The following AGGF1 variants were observed in gnomAD, a reference collection of about 807,000 sequenced individuals.
AGGF1 encodes angiogenic factor with G-patch and FHA domains 1.
Under a neutral mutation model 86.5 loss-of-function variants are expected in AGGF1, and 56 were observed. The observed-to-expected ratio is 0.65, with a 90% CI of 0.52 to 0.81. The LOEUF is 0.81. AGGF1 is among the 30% of genes least tolerant of loss of function. The pLI is 0.00. For missense variants in AGGF1, 816 were observed against 850.9 expected (o/e 0.96, Z 0.51); for synonymous variants, 313 against 297.1 (o/e 1.05, Z -0.55).
intron 1 of AGGF1, among the ~76,000 whole-genome samples, chr5:77,032,361 A>G (rs1200955313): frequency 6.6e-6 from 1 of 151,652 alleles, no homozygotes; most frequent in Admixed American, 6.6e-5. Flanking sequence ...AGGTCAGAAG[A>G]TCGAGACCAT....
rs1208369618 is a variant in AGGF1, at chr5:77,043,755, C to T, written c.871-2592C>T. On this transcript the variant is annotated intron_variant, in intron 5 of 13. Coordinates refer to ENST00000312916, the MANE Select transcript of AGGF1 (RefSeq NM_018046.5). ...CTCACTTCCCAGATGGGGTGGCTGC[C>T]GGGCGGAGAGGCTCCTCACTTCTCA... 1.2e-4 allele frequency among the ~76,000 whole-genome samples: 15 copies of T among 121,352 alleles called. 1 individual carries two copies. Among genetic ancestry groups the T allele is most frequent in the South Asian group, 7.9e-4 (3 of 3,788 alleles). The allele number at this position is 121,352 out of a possible 152,430, so 79.6% of individuals were successfully genotyped here.
intron 5 of AGGF1, among the ~76,000 whole-genome samples, chr5:77,041,767 T>C (rs980712438): frequency 1.3e-5 from 2 of 149,196 alleles, no homozygotes; most frequent in Non-Finnish European, 3.0e-5. Context: ...AATGTGCGAA[T>C]TCCAAGACAA....
chr5:77,049,035 ATAT>A (rs753134897), intron 8 of AGGF1, 48 bp downstream of exon 8: 24 of 1,558,050 alleles, frequency 1.5e-5, no homozygotes, highest in Non-Finnish European at 2.0e-5. Flanking sequence ...GTAATTTTTT[ATAT>A]TATTATTACA....
rs1000462108 is a variant in AGGF1, at chr5:77,063,259, A to G, written c.*7A>G. 9.4e-6 allele frequency: 15 copies of G among 1,603,294 alleles called. No homozygotes were observed. The highest frequency in any genetic ancestry group is 2.2e-5 in the East Asian group (1 of 44,752). ...AAAAGGGACTTTAGAGTGAAGGCTAATCATAGAAAAAAAACCTCTAGTTTT... is the reference window on the plus strand; with the variant it reads ...AAAAGGGACTTTAGAGTGAAGGCTAGTCATAGAAAAAAAACCTCTAGTTTT... On this transcript the variant is annotated 3_prime_UTR_variant, in exon 14 of 14. Coordinates refer to ENST00000312916, the MANE Select transcript of AGGF1 (RefSeq NM_018046.5).
Position 77,036,584 on chromosome 5 carries a change from A to G in AGGF1, c.545A>G (p.Asp182Gly), listed in dbSNP as rs1485253138. 2 of 1,614,162 alleles carry G rather than the reference A, an allele frequency of 1.2e-6. No individual in the cohort carries two copies. The highest frequency in any genetic ancestry group is 1.7e-6 in the Non-Finnish European group (2 of 1,180,016). Residue 182 changes from aspartate to glycine, a missense_variant, in exon 4 of 14, where the codon GAT (aspartate) becomes GGT (glycine). This residue lies in a region of AGGF1 where 240 missense variants were observed against 234.4 expected (regional missense o/e 1.02). Coordinates refer to ENST00000312916, the MANE Select transcript of AGGF1 (RefSeq NM_018046.5). ...QEPASALATE[D>G]TSLEGSSLAE... ...CCAGCATCTGCATTAGCAACAGAAG[A>G]TACCTCCTTAGAAGGCTCATCATTA...
chr5:77,047,275 A>G (rs1391322624), intron 6 of AGGF1, among the ~76,000 whole-genome samples: 2 of 152,162 alleles, frequency 1.3e-5, no homozygotes, highest in Non-Finnish European at 2.9e-5. Flanking sequence ...TCCCCTAAAT[A>G]TGGTGTACCT....
intron 3 of AGGF1, 139 bp from the exon 4 acceptor site, chr5:77,036,417 T>C: frequency 2.3e-6 from 2 of 887,368 alleles, no homozygotes; most frequent in South Asian, 3.0e-5. Flanking sequence ...GTGGTTCAAG[T>C]CATAATTGAT....
At chr5:77,046,824 A>G (rs559014032) in intron 6 of AGGF1, 147 bp downstream of exon 6, 7 of 821,470 alleles carry the variant, frequency 8.5e-6, no homozygotes, top group East Asian at 2.7e-5. Flanking sequence ...GTGGGTTGCC[A>G]CTTGGTTATT....
rs886286739 is a variant in AGGF1, at chr5:77,030,604, A to G, written c.-163A>G. 1.1e-5 allele frequency: 9 copies of G among 806,024 alleles called. No individual in the cohort carries two copies. The highest frequency in any genetic ancestry group is 3.4e-5 in the African/African-American group (2 of 58,974). The allele number at this position is 806,024 out of a possible 1,614,324, so 49.9% of individuals were successfully genotyped here. Reference sequence around the variant, plus strand: ...TCGTTGCTCGCAGCCCCGTTCGGCTACAAGTGAGTTTCAGGGCGTCATGGC... The same window carrying G: ...TCGTTGCTCGCAGCCCCGTTCGGCTGCAAGTGAGTTTCAGGGCGTCATGGC... On this transcript the variant is annotated 5_prime_UTR_variant, in exon 1 of 14. Coordinates refer to ENST00000312916, the MANE Select transcript of AGGF1 (RefSeq NM_018046.5).
intron 11 of AGGF1, among the ~76,000 whole-genome samples, chr5:77,059,018 G>T (rs1747504809): frequency 6.6e-6 from 1 of 152,104 alleles, no homozygotes; most frequent in South Asian, 2.1e-4. Flanking sequence ...GGGTAAATGG[G>T]TTTTTTAAAA....
At chr5:77,042,531 G>A (rs1235206661) in intron 5 of AGGF1, among the ~76,000 whole-genome samples, 1 of 81,330 alleles carries the variant, frequency 1.2e-5, no homozygotes, top group Non-Finnish European at 3.0e-5. Flanking sequence ...GCGGCTGGCC[G>A]GGCAGAGGCG....
intron 3 of AGGF1, 134 bp downstream of exon 3, chr5:77,035,877 T>C (rs1746960242): frequency 2.5e-6 from 2 of 796,676 alleles, no homozygotes; most frequent in South Asian, 1.6e-5. Flanking sequence ...TGTGTAATTA[T>C]GCAAAGAATG....
chr5:77,053,894 A>G, intron 9 of AGGF1, 71 bp from the exon 10 acceptor site: 1 of 1,425,374 alleles, frequency 7.0e-7, no homozygotes, highest in Non-Finnish European at 9.8e-7. Context: ...ATCAGACATT[A>G]CTTACAGTAG....
intron 4 of AGGF1, among the ~76,000 whole-genome samples, chr5:77,038,641 C>T (rs1022582322): frequency 2.0e-5 from 3 of 152,056 alleles, no homozygotes; most frequent in Non-Finnish European, 4.4e-5. Context: ...CTGCAAAATG[C>T]ATGGATTAAA....
chr5:77,061,674 A>C, intron 12 of AGGF1, 29 bp from the exon 13 acceptor site: 1 of 1,570,154 alleles, frequency 6.4e-7, no homozygotes, highest in Non-Finnish European at 8.8e-7. Flanking sequence ...TCTTTTATAA[A>C]TCAACTATCA....
chr5:77,036,233 T>C (rs986846636), intron 3 of AGGF1, among the ~76,000 whole-genome samples: 5 of 152,220 alleles, frequency 3.3e-5, no homozygotes, highest in Non-Finnish European at 7.3e-5. Flanking sequence ...ATTGAACATA[T>C]AATCATTGAA....
At position 77,034,382 on chromosome 5, in the gene AGGF1, A is replaced by G. The variant is rs370583525; in HGVS notation, c.211-36A>G. The stretch of plus-strand genomic sequence containing the variant: ...GGTATATATATTATTAGATTGTTAC[A>G]TGATTTCTTTTTCCTAAAGCCTTGT... On this transcript the variant is annotated intron_variant, in intron 1 of 13. Transcript: ENST00000312916. 5.3e-4 allele frequency: 674 copies of G among 1,278,012 alleles called. 6 individuals carry two copies. The South Asian group carries it at 7.4e-3, about 14-fold the overall frequency. The allele number at this position is 1,278,012 out of a possible 1,614,324, so 79.2% of individuals were successfully genotyped here.
rs570178629 is a variant in AGGF1, at chr5:77,049,524, G to C, written c.1365+537G>C. 3.0e-4 allele frequency among the ~76,000 whole-genome samples: 45 copies of C among 150,758 alleles called. No homozygotes were observed. The South Asian group carries it at 5.7e-3, about 19-fold the overall frequency. On this transcript the variant is annotated intron_variant, in intron 8 of 13. Transcript: ENST00000312916. ...GTAGAAAACAACTAAAGGTTTAGCTGCTGAGATTCTTTATATATTTTTACT... is the reference window on the plus strand; with the variant it reads ...GTAGAAAACAACTAAAGGTTTAGCTCCTGAGATTCTTTATATATTTTTACT...
At chr5:77,062,501 A>T (rs954922637) in intron 13 of AGGF1, among the ~76,000 whole-genome samples, 2 of 152,258 alleles carry the variant, frequency 1.3e-5, no homozygotes, top group East Asian at 1.9e-4. Context: ...TAGTTTTCTT[A>T]TGAAAAAATG....
Sources: gnomAD v4.1 joint callset for allele counts (sites outside exome capture counted in the v4.1 genomes callset) on GRCh38, gnomAD v4.1.1 for gene constraint, gnomAD v4.1.1 regional missense constraint, MANE v1.5 for transcripts, NCBI Gene and HGNC (gene_info 2026-07-23, HGNC 2026-07-21) for gene names.